The following CAMTA1 variants were observed in gnomAD, a reference collection of about 807,000 sequenced individuals.
CAMTA1 encodes the protein calmodulin binding transcription activator 1, also known as calmodulin-binding transcription activator 1.
Under a neutral mutation model 170.9 loss-of-function variants are expected in CAMTA1, and 27 were observed. The observed-to-expected ratio is 0.16, with a 90% CI of 0.12 to 0.22. The LOEUF is 0.22. Ranked by LOEUF, CAMTA1 falls within the 10% of genes least tolerant of loss-of-function variation. The pLI, the probability that CAMTA1 is intolerant of heterozygous loss-of-function variation, is 1.00. For synonymous variants in CAMTA1, 833 were observed against 891.5 expected (o/e 0.93, Z 1.17); for missense variants, 1,619 against 2,217.2 (o/e 0.73, Z 5.42).
At chr1:7,683,041 G>T (rs2096225151) in intron 11 of CAMTA1, among the ~76,000 whole-genome samples, 1 of 152,162 alleles carries the variant, frequency 6.6e-6, no homozygotes, top group Non-Finnish European at 1.5e-5. Flanking sequence ...CGGGCGTGGT[G>T]GTGAGCGCCT....
At chr1:7,572,181 G>A (rs1267563815) in intron 6 of CAMTA1, among the ~76,000 whole-genome samples, 3 of 152,174 alleles carry the variant, frequency 2.0e-5, no homozygotes, top group African/African-American at 7.2e-5. Flanking sequence ...TGTTTTAACG[G>A]GGTTGTTTGT....
rs1168824736 is a variant in CAMTA1 at position 7,299,965 on chromosome 1, C to T, written c.438+50339C>T. Reference sequence around the variant, plus strand: ...TAAGTGTCATTGACTTCCTAGCAACCCTGACTGTGGTCTGATTCCTTTAAG... The same window carrying T: ...TAAGTGTCATTGACTTCCTAGCAACTCTGACTGTGGTCTGATTCCTTTAAG... On this transcript the variant is annotated intron_variant, in intron 5 of 22. Coordinates refer to ENST00000303635, the MANE Select transcript of CAMTA1 (RefSeq NM_015215.4). This position sits in a 1 kb window ranked among gnomAD's most constrained non-coding sequence, Gnocchi z 4.7. 6.6e-6 allele frequency among the ~76,000 whole-genome samples: 1 copy of T among 152,162 alleles called. No homozygotes were observed. The highest frequency in any genetic ancestry group is 1.5e-5 in the Non-Finnish European group (1 of 68,032).
At chr1:7,214,826 G>A (rs1402514298) in intron 4 of CAMTA1, among the ~76,000 whole-genome samples, 4 of 151,280 alleles carry the variant, frequency 2.6e-5, no homozygotes, top group African/African-American at 9.7e-5. Flanking sequence ...TGCAGGTGTG[G>A]AGAAGACTTT....
chr1:7,221,924 C>CAT (rs1558267578), intron 4 of CAMTA1, among the ~76,000 whole-genome samples: 2 of 149,762 alleles, frequency 1.3e-5, no homozygotes, highest in African/African-American at 4.9e-5. Context: ...CACACACACA[C>CAT]ACATACACAC....
intron 4 of CAMTA1, among the ~76,000 whole-genome samples, chr1:7,206,786 A>G (rs755884470): frequency 3.4e-4 from 51 of 152,190 alleles, no homozygotes; most frequent in Non-Finnish European, 2.5e-4. Flanking sequence ...GCTATTGTCA[A>G]TGCTTAAATT....
intron 6 of CAMTA1, among the ~76,000 whole-genome samples, chr1:7,564,281 C>G (rs1052317031): frequency 6.6e-6 from 1 of 152,212 alleles, no homozygotes; most frequent in African/African-American, 2.4e-5. Context: ...GAGGAGGAGA[C>G]GCCAACTCAG....
At chr1:6,994,805 C>A (rs1266389395) in intron 3 of CAMTA1, among the ~76,000 whole-genome samples, 1 of 152,098 alleles carries the variant, frequency 6.6e-6, no homozygotes, top group Non-Finnish European at 1.5e-5. Flanking sequence ...ATAGCTGGGA[C>A]TACAGGCGTG....
intron 4 of CAMTA1, among the ~76,000 whole-genome samples, chr1:7,133,322 T>C (rs1040862959): frequency 2.6e-5 from 4 of 152,238 alleles, no homozygotes; most frequent in Admixed American, 6.5e-5. Flanking sequence ...ACTTCGTGTC[T>C]TTTAAGGATT....
At chr1:7,367,040 T>A (rs1273397356) in intron 5 of CAMTA1, among the ~76,000 whole-genome samples, 1 of 152,206 alleles carries the variant, frequency 6.6e-6, no homozygotes, top group East Asian at 1.9e-4. Context: ...TAAAAAAAAA[T>A]ATCCTGCTGA....
chr1:7,322,985 T>G, intron 5 of CAMTA1, among the ~76,000 whole-genome samples: 1 of 139,018 alleles, frequency 7.2e-6, no homozygotes, highest in Admixed American at 7.3e-5. Context: ...CCCTTTCCCC[T>G]TCCCTTTTCC....
At chr1:7,025,562 C>T (rs145637065) in intron 3 of CAMTA1, among the ~76,000 whole-genome samples, 1 of 152,182 alleles carries the variant, frequency 6.6e-6, no homozygotes, top group South Asian at 2.1e-4. Flanking sequence ...CAACTCTGTG[C>T]CAGGCACTGG....
At chr1:7,715,532 A>C (rs2096603105) in intron 11 of CAMTA1, among the ~76,000 whole-genome samples, 1 of 151,684 alleles carries the variant, frequency 6.6e-6, no homozygotes, top group Admixed American at 6.6e-5. Flanking sequence ...TCCTGGGCTC[A>C]AGTGATCCTC....
In CAMTA1 at chr1:7,455,682, C is replaced by T. The variant is rs1012155878; in HGVS notation, c.439-12148C>T. 5.9e-5 allele frequency among the ~76,000 whole-genome samples: 9 copies of T among 152,364 alleles called. No homozygotes were observed. The highest frequency in any genetic ancestry group is 2.1e-4 in the South Asian group (1 of 4,830). ...CGTCACAGGTGCCTAGAGCGGGCGG[C>T]GCTGGGGAGCTGGATGCCAGCAGGC... is the stretch of plus-strand genomic sequence containing the variant. On this transcript the variant is annotated intron_variant, in intron 5 of 22. Transcript: ENST00000303635. The surrounding 1 kb of genome is among the most constrained non-coding windows in gnomAD (Gnocchi z 5.0).
chr1:7,048,577 C>T (rs56379414), intron 3 of CAMTA1, among the ~76,000 whole-genome samples: 9,733 of 152,260 alleles, frequency 0.064, 377 homozygotes, highest in East Asian at 0.17. Context: ...AGTGAGCAGT[C>T]ATCCCATTTG....
intron 4 of CAMTA1, among the ~76,000 whole-genome samples, chr1:7,091,586 G>C (rs1312199257): frequency 6.6e-6 from 1 of 152,228 alleles, no homozygotes; most frequent in African/African-American, 2.4e-5. Context: ...CCATCCGCCA[G>C]TTGGAACTTT....
chr1:7,074,971 G>A (rs899590130), intron 3 of CAMTA1, among the ~76,000 whole-genome samples: 2 of 152,218 alleles, frequency 1.3e-5, no homozygotes, highest in African/African-American at 4.8e-5. Context: ...GGAGCTGGAA[G>A]TAGAGCTGGA....
chr1:7,675,957 CT>C (rs2096115351), intron 10 of CAMTA1, among the ~76,000 whole-genome samples: 1 of 152,222 alleles, frequency 6.6e-6, no homozygotes, highest in South Asian at 2.1e-4. Flanking sequence ...AGGTTGTGCA[CT>C]TGCCAGAAGA....
At chr1:7,719,603 G>T (rs185350083) in intron 11 of CAMTA1, among the ~76,000 whole-genome samples, 2 of 152,072 alleles carry the variant, frequency 1.3e-5, no homozygotes, top group South Asian at 2.1e-4. Flanking sequence ...TTTTTTCTAC[G>T]GCTAAATTTA....
intron 7 of CAMTA1, among the ~76,000 whole-genome samples, chr1:7,645,856 G>A (rs766411860): frequency 6.6e-5 from 10 of 152,254 alleles, no homozygotes; most frequent in African/African-American, 4.8e-5. Flanking sequence ...ACGGGCACAC[G>A]ACGTATCCAC....
Sources: gnomAD v4.1 joint callset for allele counts (sites outside exome capture counted in the v4.1 genomes callset) on GRCh38, gnomAD v4.1.1 for gene constraint, Gnocchi (gnomAD v3.1) non-coding constraint, MANE v1.5 for transcripts, NCBI Gene and HGNC (gene_info 2026-07-23, HGNC 2026-07-21) for gene names.